The following ZNF592 variants were observed in gnomAD, a reference collection of about 807,000 sequenced individuals.
ZNF592 encodes spinocerebellar ataxia, autosomal recessive 5.
In ZNF592, 11 loss-of-function variants were observed where a neutral mutation model predicts 80.3. The ratio of observed to expected loss-of-function variants is 0.14; its 90% confidence interval spans 0.09 to 0.23. ZNF592 has a LOEUF of 0.23. ZNF592 is among the 10% of genes least tolerant of loss of function. The pLI is 1.00. For synonymous variants in ZNF592, 646 were observed against 640.3 expected, an observed-to-expected ratio of 1.01 and a Z score of -0.13; for missense variants, 1,420 against 1,633.9, an observed-to-expected ratio of 0.87 and a Z score of 2.26.
At chr15:84,753,165 G>A (rs1216017640) in intron 1 of ZNF592, 1 of 152,208 alleles carries the variant, frequency 6.6e-6, no homozygotes, top group Non-Finnish European at 1.5e-5. Flanking sequence ...CTTAAGGAAT[G>A]GGACGAGTAA....
chr15:84,768,452 G>C (rs1280165392), intron 2 of ZNF592, among the ~76,000 whole-genome samples: 1 of 151,870 alleles, frequency 6.6e-6, no homozygotes, highest in Non-Finnish European at 1.5e-5. Flanking sequence ...GGACCAGGCT[G>C]GTCTTGAACT....
chr15:84,782,862 G>A lies in ZNF592; in HGVS notation c.187G>A (p.Val63Met). 1.2e-6 allele frequency: 2 copies of A among 1,614,150 alleles called. No homozygotes were observed. The highest frequency in any genetic ancestry group is 8.5e-7 in the Non-Finnish European group (1 of 1,180,022). Residue 63 changes from valine to methionine, a missense_variant, in exon 4 of 11, where the codon GTG (valine) becomes ATG (methionine). Transcript: ENST00000560079. ...GTCTCACTCAGGATCAGCCCCCGAT[G>A]TGCCGGCCGTGAGTGTCATTGTCAA... ...SLSHSGSAPDVPAVSVIVKNT... is the reference protein window; with the variant it reads ...SLSHSGSAPDMPAVSVIVKNT...
rs749673865 is a variant in ZNF592, at chr15:84,783,945, G to C, written c.1270G>C (p.Asp424His). 6 of 1,613,832 alleles carry C rather than the reference G, an allele frequency of 3.7e-6. No homozygotes were observed. Among genetic ancestry groups the C allele is most frequent in the Non-Finnish European group, 5.1e-6 (6 of 1,179,802 alleles). Residue 424 changes from aspartate (D) to histidine (H), a missense_variant, in exon 4 of 11, where the codon GAT becomes CAT. Asp to His is a moderately conservative substitution (Grantham distance 81). This residue lies in a region of ZNF592 where 524 missense variants were observed against 628.3 expected (regional missense o/e 0.83). Coordinates refer to ENST00000560079, the MANE Select transcript of ZNF592 (RefSeq NM_014630.3). This position sits in a 1 kb window ranked among gnomAD's most constrained non-coding sequence, Gnocchi z 5.0. ...AGAGGCCCCCAGCGAGATGCCAGGG[G>C]ATGAGGTGCCTGTGGAAGAGCACTT... is the stretch of plus-strand genomic sequence containing the variant. ...IAEAPSEMPG[D>H]EVPVEEHFPE...
rs1279326670 is a variant in ZNF592, at chr15:84,799,989, C to T, written c.3273+12C>T. ...GACATTCCCCTCAGGTGAGTGTGGG[C>T]TCCCTGCCTATTGGAGCTGGCTGCT... On this transcript the variant is annotated intron_variant, in intron 10 of 10. Transcript: ENST00000560079. This position sits in a 1 kb window ranked among gnomAD's most constrained non-coding sequence, Gnocchi z 4.2. 1.2e-6 allele frequency: 2 copies of T among 1,614,048 alleles called. No individual in the cohort carries two copies. Among genetic ancestry groups the T allele is most frequent in the Non-Finnish European group, 1.7e-6 (2 of 1,180,018 alleles).
intron 3 of ZNF592, among the ~76,000 whole-genome samples, chr15:84,779,605 G>A (rs1361671104): frequency 1.3e-5 from 2 of 151,920 alleles, no homozygotes; most frequent in East Asian, 3.8e-4. Flanking sequence ...TCCTCCCTTG[G>A]CCTCCCAAAG....
At chr15:84,796,254 ATATATATATAT>A (rs1962909104) in intron 5 of ZNF592, among the ~76,000 whole-genome samples, 1 of 23,386 alleles carries the variant, frequency 4.3e-5, no homozygotes, top group African/African-American at 2.3e-4. Flanking sequence ...ATATATATAT[ATATATATATAT>A]TTTATATATA....
chr15:84,787,574 G>A (rs990819599), intron 4 of ZNF592, among the ~76,000 whole-genome samples: 1 of 152,148 alleles, frequency 6.6e-6, no homozygotes, highest in Non-Finnish European at 1.5e-5. Context: ...TCTTCTTCCT[G>A]GGAGTCTGCC....
Position 84,803,774 on chromosome 15 carries a change from C to G in ZNF592, c.*1381C>G, listed in dbSNP as rs995843049. 6.6e-6 allele frequency: 1 copy of G among 152,248 alleles called. No homozygotes were observed. Among genetic ancestry groups the G allele is most frequent in the African/African-American group, 2.4e-5 (1 of 41,450 alleles). 9.4% of individuals were successfully genotyped at this position (152,248 alleles called of 1,614,324 possible). ...CAAATGTGGCAGAACTGGGATTAGA[C>G]TTGGGAGACTGGCTGTCTTTTCACT... On this transcript the variant is annotated 3_prime_UTR_variant, in exon 11 of 11. Transcript: ENST00000560079.
At chr15:84,767,964 C>G (rs1899577690) in intron 2 of ZNF592, among the ~76,000 whole-genome samples, 2 of 151,874 alleles carry the variant, frequency 1.3e-5, no homozygotes, top group African/African-American at 4.8e-5. Flanking sequence ...GCAGCCTCAA[C>G]CTCCCAGGCT....
intron 1 of ZNF592, among the ~76,000 whole-genome samples, chr15:84,752,338 T>C (rs1899037850): frequency 1.3e-5 from 2 of 152,220 alleles, no homozygotes; most frequent in Non-Finnish European, 2.9e-5. Context: ...TCAGATATTT[T>C]AAAGGATGAG....
At chr15:84,800,045 G>A in intron 10 of ZNF592, 68 bp downstream of exon 10, 1 of 1,610,780 alleles carries the variant, frequency 6.2e-7, no homozygotes, top group Non-Finnish European at 8.5e-7. Context: ...AGGGCATTAG[G>A]AAGGCTACTG....
In ZNF592 at chr15:84,783,576, A is replaced by G. The variant is rs778157390; in HGVS notation, c.901A>G (p.Lys301Glu). Residue 301 changes from lysine (K) to glutamate (E), a missense_variant, in exon 4 of 11, where the codon AAG becomes GAG. Coordinates refer to ENST00000560079, the MANE Select transcript of ZNF592 (RefSeq NM_014630.3). The surrounding 1 kb of genome is among the most constrained non-coding windows in gnomAD (Gnocchi z 5.0). ...LQAKRVASVTKEDQPGHTKDL... is the reference protein window; with the variant it reads ...LQAKRVASVTEEDQPGHTKDL... ...GGCCAAAAGAGTGGCTAGTGTCACT[A>G]AGGAGGATCAGCCTGGCCACACAAA... The G allele has an allele frequency of 7.4e-6, 12 of 1,614,084 alleles. No homozygotes were observed. In the South Asian group the frequency reaches 1.2e-4, roughly 16 times the overall value.
intron 1 of ZNF592, chr15:84,753,647 A>G (rs1899078891): frequency 6.6e-6 from 1 of 151,878 alleles, no homozygotes; most frequent in Non-Finnish European, 1.5e-5. Context: ...TAATTTTTGT[A>G]TTTTTAGTAG....
chr15:84,792,796 T>C (rs1322395570), intron 5 of ZNF592, among the ~76,000 whole-genome samples: 4 of 152,196 alleles, frequency 2.6e-5, no homozygotes, highest in African/African-American at 4.8e-5. Context: ...TTTCATCTTA[T>C]GGAGGATGGA....
intron 1 of ZNF592, among the ~76,000 whole-genome samples, chr15:84,761,759 T>C (rs940102081): frequency 2.0e-5 from 3 of 152,190 alleles, no homozygotes; most frequent in African/African-American, 7.2e-5. Context: ...CTGTCAGTGC[T>C]CTCAGGCTTT....
intron 5 of ZNF592, among the ~76,000 whole-genome samples, chr15:84,792,400 C>T (rs906059554): frequency 2.0e-5 from 3 of 152,166 alleles, no homozygotes; most frequent in African/African-American, 7.2e-5. Context: ...GAAGCTAACA[C>T]GTATATTAAA....
intron 2 of ZNF592, among the ~76,000 whole-genome samples, chr15:84,775,412 GT>G (rs1301117329): frequency 2.8e-5 from 4 of 145,372 alleles, no homozygotes; most frequent in African/African-American, 8.3e-5. Context: ...ACTGGGTGTT[GT>G]TGTTGTTGTT....
intron 1 of ZNF592, among the ~76,000 whole-genome samples, chr15:84,757,480 C>A (rs946128409): frequency 4.0e-5 from 6 of 151,720 alleles, no homozygotes; most frequent in African/African-American, 1.5e-4. Flanking sequence ...AGAGTGGGAA[C>A]TACAGGCATG....
chr15:84,789,930 TCA>T (rs1962693976), intron 4 of ZNF592, among the ~76,000 whole-genome samples: 1 of 152,192 alleles, frequency 6.6e-6, no homozygotes, highest in African/African-American at 2.4e-5. Context: ...TGGCTGCTTG[TCA>T]GAGCTCTGCC....
Sources: allele counts gnomAD v4.1 joint callset (sites outside exome capture counted in the v4.1 genomes callset), GRCh38; gene constraint gnomAD v4.1.1; regional missense constraint gnomAD v4.1.1; non-coding constraint Gnocchi (gnomAD v3.1); transcripts MANE v1.5; gene names NCBI Gene and HGNC (gene_info 2026-07-23, HGNC 2026-07-21).